ADPRHL1: variants seen among roughly 807,000 people sequenced by gnomAD.
ADPRHL1 encodes the protein inactive ADP-ribosyltransferase ARH2.
In ADPRHL1, 43 loss-of-function variants were observed where a neutral mutation model predicts 44.1. The ratio of observed to expected loss-of-function variants is 0.98; its 90% CI spans 0.76 to 1.26. The LOEUF is 1.26. Among genes scored for constraint, ADPRHL1 ranks in the 50% most tolerant of loss-of-function variants. The pLI is 0.00. For missense variants in ADPRHL1, 2,022 were observed against 2,496.9 expected (o/e 0.81, Z 4.05); for synonymous variants, 878 against 1,017.4 (o/e 0.86, Z 2.61).
At chr13:113,444,189 A>G (rs931270911) in intron 2 of ADPRHL1, among the ~76,000 whole-genome samples, 1 of 151,486 alleles carries the variant, frequency 6.6e-6, no homozygotes, top group African/African-American at 2.4e-5. Flanking sequence ...TAGTCCTTAA[A>G]CAGATGCCCG....
Position 113,409,426 on chromosome 13 carries a change from C to T in ADPRHL1, c.1062-1206G>A, listed in dbSNP as rs958751904. Reference sequence around the variant, plus strand: ...GACTCGAGTATTACAGGAAAAGTCGCCTTCATGGTGCCGTTTATAATGTTG... The same window carrying T: ...GACTCGAGTATTACAGGAAAAGTCGTCTTCATGGTGCCGTTTATAATGTTG... On this transcript the variant is annotated intron_variant, in intron 7 of 7. Coordinates refer to ENST00000612156, the MANE Select transcript of ADPRHL1 (RefSeq NM_001394807.1). The surrounding 1 kb of genome is among the most constrained non-coding windows in gnomAD (Gnocchi z 4.2). 2 of 985,350 alleles carry T rather than the reference C, an allele frequency of 2.0e-6. No individual in the cohort carries two copies. The highest frequency in any genetic ancestry group is 2.4e-6 in the Non-Finnish European group (2 of 829,918). 61.0% of individuals were successfully genotyped at this position (985,350 alleles called of 1,614,324 possible). A position where few individuals can be genotyped will look rare whatever the true frequency, so the allele number is the denominator to read the frequency against.
At chr13:113,436,351 C>T (rs1217861674) in intron 2 of ADPRHL1, among the ~76,000 whole-genome samples, 2 of 123,468 alleles carry the variant, frequency 1.6e-5, no homozygotes, top group African/African-American at 3.2e-5. Context: ...AGGTGTACCC[C>T]GGGACCCAGC....
intron 2 of ADPRHL1, among the ~76,000 whole-genome samples, chr13:113,439,185 C>A (rs1198098075): frequency 4.0e-5 from 6 of 151,030 alleles, no homozygotes; most frequent in Admixed American, 3.3e-4. Flanking sequence ...TGCAATGGCA[C>A]AATCTCAGCT....
At chr13:113,446,220 G>C (rs989028377) in intron 1 of ADPRHL1, among the ~76,000 whole-genome samples, 1 of 140,558 alleles carries the variant, frequency 7.1e-6, no homozygotes, top group Non-Finnish European at 1.5e-5. Flanking sequence ...GAACCCCCTA[G>C]AGAGCGCTCA....
chr13:113,424,244 G>C lies in ADPRHL1; in HGVS notation c.880C>G (p.Leu294Val). The C allele has an allele frequency of 3.7e-6, 6 of 1,612,910 alleles. No individual in the cohort carries two copies. Among genetic ancestry groups the C allele is most frequent in the Non-Finnish European group, 5.1e-6 (6 of 1,179,892 alleles). The change falls in exon 6 of 8, where the codon CTG (leucine) becomes GTG (valine). Residue 294 changes from leucine to valine, a missense_variant. Around this residue, in one of 8 missense-constraint regions of ADPRHL1, gnomAD observed 437 missense variants for 430.7 expected, o/e 1.01. Coordinates refer to ENST00000612156, the MANE Select transcript of ADPRHL1 (RefSeq NM_001394807.1). ...LLAAGNSWTE[L>V]CHRAMFHGGE... is the part of the protein sequence containing the mutation. Reference sequence around the variant, plus strand: ...CCATGAAACATGGCCCGGTGACACAGCTCAGTCCAGCTGTTTCCTGCTGCA... The same window carrying C: ...CCATGAAACATGGCCCGGTGACACACCTCAGTCCAGCTGTTTCCTGCTGCA...
chr13:113,425,281 G>A (rs999477099), intron 4 of ADPRHL1, 102 bp from the exon 5 acceptor site: 7 of 1,207,370 alleles, frequency 5.8e-6, no homozygotes, highest in Admixed American at 2.2e-5. Context: ...TGTGTGGCGG[G>A]GAAGTGGCAA....
intron 7 of ADPRHL1, among the ~76,000 whole-genome samples, chr13:113,421,612 A>G (rs1358159512): frequency 1.3e-5 from 2 of 152,154 alleles, no homozygotes; most frequent in African/African-American, 2.4e-5. Context: ...CCTGGACCCA[A>G]TGCACCTGGG....
intron 4 of ADPRHL1, among the ~76,000 whole-genome samples, chr13:113,427,852 G>C (rs1360239677): frequency 1.3e-5 from 2 of 150,904 alleles, no homozygotes; most frequent in Non-Finnish European, 3.0e-5. Context: ...GCTGCGTCCA[G>C]GCGGGTATCC....
chr13:113,428,785 A>C (rs1445280892), intron 4 of ADPRHL1, among the ~76,000 whole-genome samples, 167 bp downstream of exon 4: 1 of 152,254 alleles, frequency 6.6e-6, no homozygotes, highest in African/African-American at 2.4e-5. Flanking sequence ...GGTCAGGAGC[A>C]GCATGGGGCC....
In ADPRHL1 at chr13:113,406,775, G is replaced by C. The variant is rs962305677; in HGVS notation, c.2507C>G (p.Pro836Arg). Residue 836 changes from proline (P) to arginine (R), a missense_variant, in exon 8 of 8, where the codon CCT becomes CGT. Coordinates refer to ENST00000612156, the MANE Select transcript of ADPRHL1 (RefSeq NM_001394807.1). ...AGTTATCCGTGGAGGCTCCGTGGCA[G>C]GCTGTGTTCTCCGAGCAGCCTGGAC... ...PSVQAARRTQ[P>R]ATEPPRITVQ... 4 of 1,232,010 alleles carry C rather than the reference G, an allele frequency of 3.2e-6. No homozygotes were observed. The highest frequency in any genetic ancestry group is 4.0e-6 in the Non-Finnish European group (4 of 987,982). The allele number at this position is 1,232,010 out of a possible 1,614,324, so 76.3% of individuals were successfully genotyped here.
intron 7 of ADPRHL1, among the ~76,000 whole-genome samples, chr13:113,415,277 C>T (rs1048951994): frequency 3.9e-5 from 6 of 152,154 alleles, no homozygotes; most frequent in African/African-American, 9.7e-5. Flanking sequence ...AACGCCTGCC[C>T]GCGATGTGGT....
At chr13:113,444,007 G>C (rs1443963563) in intron 2 of ADPRHL1, among the ~76,000 whole-genome samples, 1 of 152,186 alleles carries the variant, frequency 6.6e-6, no homozygotes, top group Admixed American at 6.5e-5. Flanking sequence ...AAAAGGCAAG[G>C]CATACAATGG....
At position 113,404,517 on chromosome 13, in the gene ADPRHL1, G is replaced by T; in HGVS notation, c.4765C>A (p.Gln1589Lys). 1 of 1,310,466 alleles carries T rather than the reference G, an allele frequency of 7.6e-7. No individual in the cohort carries two copies. Among genetic ancestry groups the T allele is most frequent in the South Asian group, 2.4e-5 (1 of 41,184 alleles). The allele number at this position is 1,310,466 out of a possible 1,614,324, so 81.2% of individuals were successfully genotyped here. The change falls in exon 8 of 8, where the codon CAG becomes AAG. Residue 1589 changes from glutamine (Q) to lysine (K), a missense_variant. By Grantham distance (53) the Gln-to-Lys change is moderately conservative (BLOSUM62 1). Around this residue, in one of 8 missense-constraint regions of ADPRHL1, gnomAD observed 78 missense variants for 76.5 expected, o/e 1.02. Transcript: ENST00000612156. ...QVQGQAQKWA[Q>K]GQIQGQAQKQ... ...TGGGCCTGTCCCTGAATCTGCCCCT[G>T]AGCCCATTTCTGGGCCTGTCCCTGA...
At chr13:113,408,252 A>G (rs1449339973) in intron 7 of ADPRHL1, 32 bp from the exon 8 acceptor site, 2 of 1,231,620 alleles carry the variant, frequency 1.6e-6, no homozygotes, top group Non-Finnish European at 2.0e-6. Context: ...CACCTACTTC[A>G]TCATCATTTT....
At position 113,425,185 on chromosome 13, in the gene ADPRHL1, C is replaced by A; in HGVS notation, c.647-6G>T. On this transcript the variant is annotated splice_region_variant and splice_polypyrimidine_tract_variant and intron_variant, in intron 4 of 7. Coordinates refer to ENST00000612156, the MANE Select transcript of ADPRHL1 (RefSeq NM_001394807.1). ...AAACCAGTGCTCCTGGTATTCTAAA[C>A]ATAAAGAACAAGGGGAGCTGAACAC... 6 of 1,361,192 alleles carry A rather than the reference C, an allele frequency of 4.4e-6. No homozygotes were observed. Among genetic ancestry groups the A allele is most frequent in the Non-Finnish European group, 5.8e-6 (6 of 1,029,414 alleles). The allele number at this position is 1,361,192 out of a possible 1,614,324, so 84.3% of individuals were successfully genotyped here. A position where few individuals can be genotyped will look rare whatever the true frequency, so the allele number is the denominator to read the frequency against.
At chr13:113,412,887 GA>G (rs2043865622) in intron 7 of ADPRHL1, among the ~76,000 whole-genome samples, 1 of 44,842 alleles carries the variant, frequency 2.2e-5, no homozygotes, top group African/African-American at 1.5e-4. Context: ...GCGCCCCGCA[GA>G]GCTCGGTTCA....
Position 113,409,872 on chromosome 13 carries a change from G to T in ADPRHL1, c.1062-1652C>A. The stretch of plus-strand genomic sequence containing the variant: ...CCACTGCACTCCAGCCTGAGCGACA[G>T]AGCGAGACTCCGTCTCAAAAAAAAA... On this transcript the variant is annotated intron_variant, in intron 7 of 7. Coordinates refer to ENST00000612156, the MANE Select transcript of ADPRHL1 (RefSeq NM_001394807.1). The surrounding 1 kb of genome is among the most constrained non-coding windows in gnomAD (Gnocchi z 4.2). The T allele has an allele frequency of 1.1e-6, 1 of 908,742 alleles. No individual in the cohort carries two copies. Among genetic ancestry groups the T allele is most frequent in the Non-Finnish European group, 1.3e-6 (1 of 778,128 alleles). 56.3% of individuals were successfully genotyped at this position (908,742 alleles called of 1,614,324 possible). A position where few individuals can be genotyped will look rare whatever the true frequency, so the allele number is the denominator to read the frequency against.
rs1033051990 is a variant in ADPRHL1, at chr13:113,406,485, C to G, written c.2797G>C (p.Val933Leu). ...TCTGGGACACTGTGGTCGGCGCCCA[C>G]AGCCCCTCTTGCTGCTGCCAGACGC... is the stretch of plus-strand genomic sequence containing the variant. ...APRLAAARGA[V>L]GADHSVPETL... The change falls in exon 8 of 8, where the codon GTG becomes CTG. Residue 933 changes from valine (V) to leucine (L), a missense_variant. By Grantham distance (32) the Val-to-Leu change is conservative. This residue lies in a region of ADPRHL1 where 1,221 missense variants were observed against 1,517.8 expected (regional missense o/e 0.80). Transcript: ENST00000612156. The G allele has an allele frequency of 8.1e-7, 1 of 1,231,894 alleles. No individual in the cohort carries two copies. Among genetic ancestry groups the G allele is most frequent in the African/African-American group, 1.6e-5 (1 of 64,416 alleles). The allele number at this position is 1,231,894 out of a possible 1,614,324, so 76.3% of individuals were successfully genotyped here.
In ADPRHL1 at chr13:113,409,952, T is replaced by G. The variant is rs1308953761; in HGVS notation, c.1062-1732A>C. On this transcript the variant is annotated intron_variant, in intron 7 of 7. Transcript: ENST00000612156. This position sits in a 1 kb window ranked among gnomAD's most constrained non-coding sequence, Gnocchi z 4.2. Reference sequence around the variant, plus strand: ...TGAAAAGAGACCGGAAGGAAATGTGTGAACATACTTCTCTTTTTGTGTTTG... The same window carrying G: ...TGAAAAGAGACCGGAAGGAAATGTGGGAACATACTTCTCTTTTTGTGTTTG... The G allele has an allele frequency of 6.1e-6, 6 of 984,348 alleles. No homozygotes were observed. In the African/African-American group the frequency reaches 1.1e-4, roughly 17 times the overall value. The allele number at this position is 984,348 out of a possible 1,614,324, so 61.0% of individuals were successfully genotyped here. A position where few individuals can be genotyped will look rare whatever the true frequency, so the allele number is the denominator to read the frequency against.
Sources: gnomAD v4.1 joint callset for allele counts (sites outside exome capture counted in the v4.1 genomes callset) on GRCh38, gnomAD v4.1.1 for gene constraint, gnomAD v4.1.1 regional missense constraint, Gnocchi (gnomAD v3.1) non-coding constraint, MANE v1.5 for transcripts, NCBI Gene and HGNC (gene_info 2026-07-23, HGNC 2026-07-21) for gene names.